The following PARP9 variants were observed in gnomAD, a reference collection of about 807,000 sequenced individuals.
PARP9 encodes the protein protein mono-ADP-ribosyltransferase PARP9.
In PARP9, 48 loss-of-function variants were observed where a neutral mutation model predicts 68.8. That is an observed-to-expected ratio of 0.70 (90% CI 0.55 to 0.89). The LOEUF is 0.89. PARP9 is among the 40% of genes least tolerant of loss of function. The probability of loss-of-function intolerance (pLI) is 0.00; values close to 1 mark genes in which losing one functional copy is unlikely to be tolerated. For synonymous variants in PARP9, 309 were observed against 333.8 expected (o/e 0.93, Z 0.81); for missense variants, 806 against 969.3 (o/e 0.83, Z 2.24).
At chr3:122,538,692 ACTCT>A (rs544032598) in intron 8 of PARP9, among the ~76,000 whole-genome samples, 172 of 145,902 alleles carry the variant, frequency 1.2e-3, no homozygotes, top group Middle Eastern at 3.4e-3. Flanking sequence ...ACACACACAC[ACTCT>A]AACAAAATAA....
chr3:122,534,634 CTTTG>C, intron 10 of PARP9: 1 of 225,626 alleles, frequency 4.4e-6, no homozygotes, highest in Non-Finnish European at 7.4e-6. Flanking sequence ...AAGCCCAACA[CTTTG>C]GGAGGCTGAG....
rs1328308831 is a variant in PARP9, at chr3:122,550,647, G to A, written c.1263C>T (p.Asp421=). The change falls in exon 6 of 11, where the codon GAC becomes GAT. Residue 421 remains aspartate (D), a synonymous_variant. Transcript: ENST00000682323. ...LFDEVLTFAK[D]HVKHQLTVKF... is the part of the protein sequence containing the mutation. ...TTACAGTTAACTGGTGTTTTACATG[G>A]TCTTTGGCAAATGTTAAAACTTCAT... The A allele has an allele frequency of 2.5e-6, 4 of 1,613,818 alleles. No individual in the cohort carries two copies. The highest frequency in any genetic ancestry group is 3.4e-6 in the Non-Finnish European group (4 of 1,180,018).
chr3:122,549,454 C>G (rs2079017567), intron 6 of PARP9, among the ~76,000 whole-genome samples: 1 of 152,064 alleles, frequency 6.6e-6, no homozygotes, highest in Admixed American at 6.6e-5. Flanking sequence ...AAAGCTGAGA[C>G]TGATGGGGAT....
chr3:122,557,026 G>C (rs999150373), intron 3 of PARP9, among the ~76,000 whole-genome samples: 2 of 152,152 alleles, frequency 1.3e-5, no homozygotes, highest in Non-Finnish European at 2.9e-5. Flanking sequence ...TAGAGATGGG[G>C]TTTCACCATA....
rs1191443137 is a variant in PARP9 at position 122,536,167 on chromosome 3, C to T, written c.2080+1G>A. The T allele has an allele frequency of 1.2e-6, 2 of 1,614,132 alleles. No homozygotes were observed. Among genetic ancestry groups the T allele is most frequent in the Non-Finnish European group, 1.7e-6 (2 of 1,179,988 alleles). On this transcript the variant is annotated splice_donor_variant, in intron 10 of 10. Coordinates refer to ENST00000682323, the MANE Select transcript of PARP9 (RefSeq NM_001146105.2). LOFTEE classifies it high-confidence loss of function. ...CCCAATGATGAGGCATTGACACCTA[C>T]CGCAAGGTGTCGAGTACATTCTTTG...
At chr3:122,537,781 TCCC>T (rs1298855547) in intron 8 of PARP9, among the ~76,000 whole-genome samples, 1 of 152,034 alleles carries the variant, frequency 6.6e-6, no homozygotes, top group Non-Finnish European at 1.5e-5. Flanking sequence ...TTTCTCCTCC[TCCC>T]ATTTCCCTCC....
rs1375985529 is a variant in PARP9 at position 122,536,174 on chromosome 3, G to T, written c.2074C>A (p.Pro692Thr). 9 of 1,614,106 alleles carry T rather than the reference G, an allele frequency of 5.6e-6. No homozygotes were observed. The highest frequency in any genetic ancestry group is 7.6e-6 in the Non-Finnish European group (9 of 1,180,008). ...RVGFQRMYST[P>T]CDPKYGAGIY... ...ATGAGGCATTGACACCTACCGCAAG[G>T]TGTCGAGTACATTCTTTGAAAGCCA... is the stretch of plus-strand genomic sequence containing the variant. The change falls in exon 10 of 11, where the codon CCT becomes ACT. Residue 692 changes from proline (P) to threonine (T), a missense_variant. By Grantham distance (38) the Pro-to-Thr change is conservative (BLOSUM62 -1). Transcript: ENST00000682323.
At chr3:122,558,999 A>G (rs993465188) in intron 2 of PARP9, among the ~76,000 whole-genome samples, 2 of 152,226 alleles carry the variant, frequency 1.3e-5, no homozygotes, top group African/African-American at 4.8e-5. Flanking sequence ...TATAGGCGCC[A>G]GCCACCGCCA....
chr3:122,547,349 C>T (rs1229972493), intron 6 of PARP9, among the ~76,000 whole-genome samples: 1 of 151,922 alleles, frequency 6.6e-6, no homozygotes, highest in Non-Finnish European at 1.5e-5. Context: ...CCCAGCTCAG[C>T]CTCCCAAAGG....
chr3:122,532,102 T>A, intron 10 of PARP9: 1 of 972,680 alleles, frequency 1.0e-6, no homozygotes, highest in Non-Finnish European at 1.2e-6. Flanking sequence ...TCATCCAGCT[T>A]CATCACCTGA....
intron 3 of PARP9, 90 bp downstream of exon 3, chr3:122,558,344 G>T (rs779395209): frequency 6.2e-7 from 1 of 1,614,094 alleles, no homozygotes; most frequent in Non-Finnish European, 8.5e-7. Context: ...CACTTGTAGG[G>T]GAGACATTCT....
intron 10 of PARP9, chr3:122,531,840 T>G (rs1370431014): frequency 1.3e-5 from 2 of 152,150 alleles, no homozygotes; most frequent in African/African-American, 4.8e-5. Flanking sequence ...ATACAAAATA[T>G]TCTAAGAACA....
At chr3:122,544,596 C>A (rs956183311) in intron 7 of PARP9, among the ~76,000 whole-genome samples, 1 of 152,040 alleles carries the variant, frequency 6.6e-6, no homozygotes, top group Non-Finnish European at 1.5e-5. Flanking sequence ...GCAGGCAGAT[C>A]ACTTGAGCCC....
intron 7 of PARP9, among the ~76,000 whole-genome samples, chr3:122,542,549 G>A (rs1324215654): frequency 6.6e-5 from 10 of 151,784 alleles, no homozygotes; most frequent in South Asian, 2.1e-4. Flanking sequence ...GCGCAATCTC[G>A]GCTCACTGCA....
At chr3:122,535,928 C>A in intron 10 of PARP9, 4 of 1,371,958 alleles carry the variant, frequency 2.9e-6, no homozygotes, top group Non-Finnish European at 3.8e-6. Flanking sequence ...AACCGTAGTT[C>A]TTACTGCTCA....
chr3:122,528,459 C>A lies in PARP9; in HGVS notation c.2365G>T (p.Glu789Ter), dbSNP rs780606669. The A allele has an allele frequency of 1.2e-6, 2 of 1,614,160 alleles. No homozygotes were observed. Among genetic ancestry groups the A allele is most frequent in the Non-Finnish European group, 1.7e-6 (2 of 1,180,024 alleles). ...IPQYLWTCTQ[E>*]YVQSQDYSSG... The stretch of plus-strand genomic sequence containing the variant: ...GAGTAATCTTGTGACTGTACATATT[C>A]CTGGGTGCATGTCCACAAATACTGA... Residue 789 changes from glutamate to a stop codon, truncating the protein, a stop_gained, in exon 11 of 11, where the codon GAA becomes TAA. Coordinates refer to ENST00000682323, the MANE Select transcript of PARP9 (RefSeq NM_001146105.2). LOFTEE classifies it low-confidence loss of function (END_TRUNC).
At chr3:122,534,081 C>A (rs2077478130) in intron 10 of PARP9, 1 of 984,394 alleles carries the variant, frequency 1.0e-6, no homozygotes, top group African/African-American at 1.7e-5. Flanking sequence ...GGCTGTTAAG[C>A]TAAGGGATAG....
In PARP9 at chr3:122,556,141, T is replaced by TAAAAGAAAAAAAA. The variant is rs2079623399; in HGVS notation, c.50-21_50-20insTTTTTTTTCTTTT. ...CAGTCTCTGGAAAAGAAGAGAAGATTAAAAAAAAAAAAAAAAAAAAAAAAA... is the reference window on the plus strand; with the variant it reads ...CAGTCTCTGGAAAAGAAGAGAAGATTAAAAGAAAAAAAAAAAAAAAAAAAAAAAAAAAAAAAAA... On this transcript the variant is annotated intron_variant, in intron 3 of 10. Transcript: ENST00000682323. 1 of 193,584 alleles carries TAAAAGAAAAAAAA rather than the reference T, an allele frequency of 5.2e-6. No individual in the cohort carries two copies. Among genetic ancestry groups the TAAAAGAAAAAAAA allele is most frequent in the Non-Finnish European group, 8.4e-6 (1 of 119,342 alleles). The allele number at this position is 193,584 out of a possible 1,614,324, so 12.0% of individuals were successfully genotyped here.
rs529910970 is a variant in PARP9 at position 122,543,315 on chromosome 3, T to C, written c.1384+2117A>G. Among the ~76,000 whole-genome samples the C allele has an allele frequency of 7.6e-4, 116 of 152,174 alleles. 1 individual carries two copies. The Middle Eastern group carries it at 0.01, about 13-fold the overall frequency. ...TTTTTTTGAGACAGTTTCCCTCTTGTTGCTCAGGCTGGAGTGCAATGGCGC... is the reference window on the plus strand; with the variant it reads ...TTTTTTTGAGACAGTTTCCCTCTTGCTGCTCAGGCTGGAGTGCAATGGCGC... On this transcript the variant is annotated intron_variant, in intron 7 of 10. Transcript: ENST00000682323.
Sources: allele counts gnomAD v4.1 joint callset (sites outside exome capture counted in the v4.1 genomes callset), GRCh38; gene constraint gnomAD v4.1.1; transcripts MANE v1.5; gene names NCBI Gene and HGNC (gene_info 2026-07-23, HGNC 2026-07-21).